The following AOAH variants were observed in gnomAD, a reference collection of about 807,000 sequenced individuals.
AOAH encodes the protein acyloxyacyl hydrolase (neutrophil).
Under a neutral mutation model 92.2 loss-of-function variants are expected in AOAH, and 64 were observed. That is an observed-to-expected ratio of 0.69 (90% confidence interval 0.57 to 0.86). The LOEUF is 0.86. Among genes scored for constraint, AOAH ranks in the 40% least tolerant of loss-of-function variants. The pLI is 0.00. For synonymous variants in AOAH, 263 were observed against 254.5 expected (o/e 1.03, Z -0.32); for missense variants, 656 against 694.6 (o/e 0.94, Z 0.62).
intron 3 of AOAH, among the ~76,000 whole-genome samples, chr7:36,670,844 G>A (rs950276509): frequency 1.0e-5 from 1 of 98,772 alleles, no homozygotes; most frequent in African/African-American, 4.6e-5. Flanking sequence ...TGTACAGTTT[G>A]CATCTGCAGT....
At chr7:36,682,246 G>C (rs75565793) in intron 2 of AOAH, among the ~76,000 whole-genome samples, 1,825 of 151,858 alleles carry the variant, frequency 0.012, 43 homozygotes, top group African/African-American at 0.042. Context: ...AGAAAGTCCA[G>C]ATGAAAGTAA....
intron 13 of AOAH, among the ~76,000 whole-genome samples, chr7:36,553,436 G>A (rs989031157): frequency 4.2e-4 from 64 of 151,214 alleles, no homozygotes; most frequent in African/African-American, 1.2e-3. Flanking sequence ...GAATAGTGCC[G>A]CAATAAACAT....
At chr7:36,666,477 A>AT (rs1795542112) in intron 3 of AOAH, among the ~76,000 whole-genome samples, 1 of 151,850 alleles carries the variant, frequency 6.6e-6, no homozygotes, top group Admixed American at 6.6e-5. Context: ...AATTTTACTG[A>AT]TATTTTCAAA....
At chr7:36,618,141 TTCTGA>T (rs1792028359) in intron 10 of AOAH, among the ~76,000 whole-genome samples, 151 bp downstream of exon 10, 1 of 152,232 alleles carries the variant, frequency 6.6e-6, no homozygotes, top group Admixed American at 6.5e-5. Context: ...ACTTTATTTT[TTCTGA>T]TCTGTCATGA....
At chr7:36,625,780 C>G (rs764385731) in intron 6 of AOAH, among the ~76,000 whole-genome samples, 4 of 152,166 alleles carry the variant, frequency 2.6e-5, no homozygotes, top group Non-Finnish European at 5.9e-5. Context: ...GGGAATGAAG[C>G]TTCCCGAGTG....
intron 3 of AOAH, among the ~76,000 whole-genome samples, chr7:36,669,014 G>C (rs905853420): frequency 2.2e-4 from 34 of 152,166 alleles, no homozygotes; most frequent in Non-Finnish European, 1.3e-4. Context: ...CTAATTGATT[G>C]CTTGAATTAG....
At chr7:36,616,733 G>A (rs1380888496) in intron 10 of AOAH, among the ~76,000 whole-genome samples, 1 of 152,204 alleles carries the variant, frequency 6.6e-6, no homozygotes, top group Non-Finnish European at 1.5e-5. Flanking sequence ...AACATCTTGA[G>A]TGAATGATGG....
chr7:36,710,973 C>T (rs4236347), intron 1 of AOAH, among the ~76,000 whole-genome samples: 90,960 of 151,816 alleles, frequency 0.6, 27,683 homozygotes, highest in East Asian at 0.83. Context: ...GAAGTGGTGC[C>T]GAGGGTGAAG....
At chr7:36,561,800 C>G (rs1017432691) in intron 13 of AOAH, among the ~76,000 whole-genome samples, 130 of 152,254 alleles carry the variant, frequency 8.5e-4, no homozygotes, top group African/African-American at 3.0e-3. Context: ...ATCTGAGGTG[C>G]AGAACACCCA....
intron 1 of AOAH, among the ~76,000 whole-genome samples, chr7:36,713,161 A>G (rs1798883074): frequency 6.6e-6 from 1 of 152,198 alleles, no homozygotes; most frequent in African/African-American, 2.4e-5. Context: ...GAAAACAAAA[A>G]AAGGCAGGGG....
intron 4 of AOAH, among the ~76,000 whole-genome samples, chr7:36,652,583 C>T (rs955803760): frequency 3.3e-5 from 5 of 152,162 alleles, no homozygotes; most frequent in African/African-American, 9.7e-5. Flanking sequence ...TGGCAAATGA[C>T]CCTTTCACCG....
At chr7:36,539,700 T>C (rs1785291868) in intron 16 of AOAH, among the ~76,000 whole-genome samples, 1 of 152,240 alleles carries the variant, frequency 6.6e-6, no homozygotes. Flanking sequence ...TTGGTTTTTT[T>C]CATCTATAAA....
chr7:36,533,683 G>GTGTGTGTGTGTGTGTT (rs1784833602), intron 16 of AOAH, among the ~76,000 whole-genome samples: 1 of 150,252 alleles, frequency 6.7e-6, no homozygotes, highest in African/African-American at 2.4e-5. Context: ...GTGTGCGTGT[G>GTGTGTGTGTGTGTGTT]TGTGTGTGTG....
Position 36,516,138 on chromosome 7 carries a change from CCACACACATCTCACA to C in AOAH, c.1600-2773_1600-2759del, listed in dbSNP as rs1410992362. Among the ~76,000 whole-genome samples the C allele has an allele frequency of 1.3e-5, 2 of 148,402 alleles. No individual in the cohort carries two copies. The highest frequency in any genetic ancestry group is 3.0e-5 in the Non-Finnish European group (2 of 66,742). On this transcript the variant is annotated intron_variant, in intron 20 of 20. Coordinates refer to ENST00000617537, the MANE Select transcript of AOAH (RefSeq NM_001637.4). The surrounding 1 kb of genome is among the most constrained non-coding windows in gnomAD (Gnocchi z 5.0). ...CACACACACACCACACACAGATACA[CCACACACATCTCACA>C]CACACACACCACACACCCCATACCA...
intron 20 of AOAH, among the ~76,000 whole-genome samples, chr7:36,520,007 G>T (rs1354396636): frequency 6.6e-6 from 1 of 152,212 alleles, no homozygotes; most frequent in African/African-American, 2.4e-5. Flanking sequence ...AAATAGGCAG[G>T]CTTTAGGCCT....
intron 4 of AOAH, among the ~76,000 whole-genome samples, chr7:36,658,888 C>T (rs1795037794): frequency 6.6e-6 from 1 of 152,146 alleles, no homozygotes; most frequent in South Asian, 2.1e-4. Flanking sequence ...GGGATTTAAA[C>T]CTCTGCGTCT....
chr7:36,644,430 G>A (rs758310115), intron 4 of AOAH, among the ~76,000 whole-genome samples: 3 of 152,110 alleles, frequency 2.0e-5, no homozygotes, highest in Non-Finnish European at 2.9e-5. Context: ...GCTTTGGGCC[G>A]CTTTGTGGGA....
intron 1 of AOAH, among the ~76,000 whole-genome samples, chr7:36,715,501 G>T (rs1562725716): frequency 1.3e-5 from 2 of 150,830 alleles, no homozygotes; most frequent in African/African-American, 4.9e-5. Flanking sequence ...AACCAAAAAA[G>T]AGCCTGCATT....
At chr7:36,623,383 T>G in intron 6 of AOAH, 133 bp from the exon 7 acceptor site, 1 of 759,012 alleles carries the variant, frequency 1.3e-6, no homozygotes. Flanking sequence ...AAACAGAAAA[T>G]TAAGATCCTG....
Sources: gnomAD v4.1 joint callset for allele counts (sites outside exome capture counted in the v4.1 genomes callset) on GRCh38, gnomAD v4.1.1 for gene constraint, Gnocchi (gnomAD v3.1) non-coding constraint, MANE v1.5 for transcripts, NCBI Gene and HGNC (gene_info 2026-07-23, HGNC 2026-07-21) for gene names.